GRIP2: variants seen among roughly 807,000 people sequenced by gnomAD.
GRIP2 encodes glutamate receptor interacting protein 2, also known as glutamate receptor-interacting protein 2.
A neutral mutation model predicts 108.3 loss-of-function variants in GRIP2; 58 were observed. That is an observed-to-expected ratio of 0.54 (90% confidence interval 0.43 to 0.67). The LOEUF (loss-of-function observed/expected upper bound fraction) is 0.67, where lower values mean the gene tolerates loss of function less well. Ranked by LOEUF, GRIP2 falls within the 30% of genes least tolerant of loss-of-function variation. The pLI is 0.00. For missense variants in GRIP2, 1,278 were observed against 1,430.6 expected (o/e 0.89, Z 1.72); for synonymous variants, 586 against 598.2 (o/e 0.98, Z 0.30).
At chr3:14,520,685 T>C (rs1694384180) in intron 7 of GRIP2, 148 bp from the exon 8 acceptor site, 1 of 769,148 alleles carries the variant, frequency 1.3e-6, no homozygotes, top group Non-Finnish European at 2.0e-6. Flanking sequence ...CTTTTCTTTC[T>C]TTTTTTATCT....
the GRIP2 span, chr3:14,573,276 C>A: frequency 7.1e-7 from 1 of 1,408,508 alleles, no homozygotes; most frequent in South Asian, 1.2e-5. Context: ...CACCTCTGCT[C>A]GGTACAGCAG....
chr3:14,597,378 C>T, the GRIP2 span, among the ~76,000 whole-genome samples: 3 of 152,140 alleles, frequency 2.0e-5, no homozygotes, highest in Non-Finnish European at 2.9e-5. Flanking sequence ...AAGGCTCATG[C>T]ATGGCATGCT....
At chr3:14,527,866 A>G (rs1206375835) in intron 1 of GRIP2, among the ~76,000 whole-genome samples, 1 of 152,202 alleles carries the variant, frequency 6.6e-6, no homozygotes, top group Non-Finnish European at 1.5e-5. Flanking sequence ...ACATCACTCC[A>G]GTCTGGGTGA....
intron 20 of GRIP2, among the ~76,000 whole-genome samples, chr3:14,504,695 T>C (rs1418143947): frequency 6.6e-6 from 1 of 152,152 alleles, no homozygotes; most frequent in Non-Finnish European, 1.5e-5. Context: ...TCCCTTTCCA[T>C]GTAACAGATG....
Position 14,496,463 on chromosome 3 carries a change from G to T in GRIP2, c.2777C>A (p.Ala926Glu). ...QRGREVRASP[A>E]EMEELLLPTP... is the part of the protein sequence containing the mutation. Reference sequence around the variant, plus strand: ...AGGCAGCAACAGCTCCTCCATTTCTGCAGGAGAGGCTCGTACCTCCCGGCC... The same window carrying T: ...AGGCAGCAACAGCTCCTCCATTTCTTCAGGAGAGGCTCGTACCTCCCGGCC... The change falls in exon 22 of 24, where the codon GCA becomes GAA. Residue 926 changes from alanine to glutamate, a missense_variant. Transcript: ENST00000621039. 3.7e-6 allele frequency: 6 copies of T among 1,612,794 alleles called. No homozygotes were observed. The highest frequency in any genetic ancestry group is 5.1e-6 in the Non-Finnish European group (6 of 1,179,400).
chr3:14,598,201 T>C, the GRIP2 span, among the ~76,000 whole-genome samples: 1 of 151,672 alleles, frequency 6.6e-6, no homozygotes. Context: ...CATGACCTCG[T>C]GGACCATTTG....
At chr3:14,567,576 C>T in the GRIP2 span, among the ~76,000 whole-genome samples, 14 of 152,214 alleles carry the variant, frequency 9.2e-5, no homozygotes, top group African/African-American at 1.9e-4. Context: ...ACAACACACA[C>T]TGGGGACTCT....
intron 21 of GRIP2, among the ~76,000 whole-genome samples, chr3:14,501,918 GGA>G (rs1229963816): frequency 6.6e-6 from 1 of 151,998 alleles, no homozygotes; most frequent in African/African-American, 2.4e-5. Flanking sequence ...TGGAGATTGT[GGA>G]GAGAGTGAGC....
chr3:14,572,019 T>C, the GRIP2 span, among the ~76,000 whole-genome samples: 72 of 152,276 alleles, frequency 4.7e-4, no homozygotes, highest in Non-Finnish European at 9.1e-4. Flanking sequence ...AATTTCAAGA[T>C]ACGTATATTC....
the GRIP2 span, among the ~76,000 whole-genome samples, chr3:14,588,938 C>A: frequency 1.3e-5 from 2 of 152,214 alleles, no homozygotes; most frequent in Non-Finnish European, 2.9e-5. Flanking sequence ...CCCAGCCCCC[C>A]AAAACCTGCC....
intron 3 of GRIP2, 122 bp from the exon 4 acceptor site, chr3:14,524,660 G>C: frequency 8.6e-7 from 1 of 1,156,728 alleles, no homozygotes; most frequent in Non-Finnish European, 1.2e-6. Context: ...AAATGGGGAA[G>C]CTGAGGCTTA....
chr3:14,558,762 G>GT (rs1240685795), upstream of GRIP2, among the ~76,000 whole-genome samples: 1 of 152,116 alleles, frequency 6.6e-6, no homozygotes, highest in African/African-American at 2.4e-5. Flanking sequence ...CCACCCCAGA[G>GT]ACCCCACAGG....
At chr3:14,562,372 G>A in the GRIP2 span, among the ~76,000 whole-genome samples, 1 of 152,192 alleles carries the variant, frequency 6.6e-6, no homozygotes, top group Non-Finnish European at 1.5e-5. Flanking sequence ...CCAAATCTGG[G>A]ACAACTTGAA....
chr3:14,524,684 G>A, intron 3 of GRIP2, 146 bp from the exon 4 acceptor site: 1 of 884,460 alleles, frequency 1.1e-6, no homozygotes, highest in South Asian at 1.7e-5. Flanking sequence ...AGGTCAGACA[G>A]TTGTCCAGGG....
chr3:14,508,339 C>T (rs193140339), intron 17 of GRIP2, among the ~76,000 whole-genome samples: 78 of 152,310 alleles, frequency 5.1e-4, no homozygotes, highest in African/African-American at 1.8e-3. Context: ...GGTGCCTGGG[C>T]CCCACATCTG....
chr3:14,547,391 G>A (rs1241768690), intron 1 of GRIP2, among the ~76,000 whole-genome samples: 1 of 152,236 alleles, frequency 6.6e-6, no homozygotes, highest in Non-Finnish European at 1.5e-5. Flanking sequence ...GATAGGGCAT[G>A]AAGGAGAAGA....
intron 12 of GRIP2, 121 bp from the exon 13 acceptor site, chr3:14,513,931 C>T (rs55919228): frequency 0.065 from 79,975 of 1,233,484 alleles, 3,037 homozygotes; most frequent in African/African-American, 0.12. Flanking sequence ...TGACTCTCAG[C>T]TCTGCCCTGG....
intron 1 of GRIP2, among the ~76,000 whole-genome samples, chr3:14,531,334 C>T (rs554068444): frequency 7.2e-5 from 11 of 152,318 alleles, no homozygotes; most frequent in African/African-American, 2.2e-4. Context: ...ATTTCTGATG[C>T]CTGAGGTTGT....
the GRIP2 span, among the ~76,000 whole-genome samples, chr3:14,583,292 C>A: frequency 6.6e-6 from 1 of 152,114 alleles, no homozygotes; most frequent in Non-Finnish European, 1.5e-5. Context: ...GTGCATGAAC[C>A]GGATGCAGGG....
Sources: gnomAD v4.1 joint callset for allele counts (sites outside exome capture counted in the v4.1 genomes callset) on GRCh38, gnomAD v4.1.1 for gene constraint, MANE v1.5 for transcripts, NCBI Gene and HGNC (gene_info 2026-07-23, HGNC 2026-07-21) for gene names.